The following AKR1C1 variants were observed in gnomAD, a reference collection of about 807,000 sequenced individuals.
The protein encoded by AKR1C1 is 20 alpha-hydroxysteroid dehydrogenase.
A neutral mutation model predicts 40.6 loss-of-function variants in AKR1C1; 32 were observed. That is an observed-to-expected ratio of 0.79 (90% CI 0.60 to 1.06). The LOEUF (loss-of-function observed/expected upper bound fraction) is 1.06, where lower values mean the gene tolerates loss of function less well. Ranked by LOEUF, AKR1C1 falls within the 50% of genes least tolerant of loss-of-function variation. The pLI is 0.00. For synonymous variants in AKR1C1, 105 were observed against 134.2 expected (o/e 0.78, Z 1.50); for missense variants, 320 against 363.5 (o/e 0.88, Z 0.97).
At position 4,966,917 on chromosome 10, in the gene AKR1C1, A is replaced by G; in HGVS notation, c.253-10A>G. 6.2e-7 allele frequency: 1 copy of G among 1,606,626 alleles called. No individual in the cohort carries two copies. The highest frequency in any genetic ancestry group is 8.5e-7 in the Non-Finnish European group (1 of 1,177,416). ...TTCATTACACAACTTCCTTTCTCTA[A>G]CCTCTGCAGCTTTGGTGCAATTCCC... On this transcript the variant is annotated splice_polypyrimidine_tract_variant and intron_variant, in intron 2 of 8. Transcript: ENST00000380872.
chr10:4,978,298 G>T lies in AKR1C1; in HGVS notation c.*556G>T, dbSNP rs1377139151. 3 of 149,958 alleles carry T rather than the reference G, an allele frequency of 2.0e-5. No homozygotes were observed. The highest frequency in any genetic ancestry group is 4.4e-5 in the Non-Finnish European group (3 of 67,842). The allele number at this position is 149,958 out of a possible 1,614,324, so 9.3% of individuals were successfully genotyped here. A position where few individuals can be genotyped will look rare whatever the true frequency, so the allele number is the denominator to read the frequency against. ...CTTGGGAGGAGGCATCCCTGTGAGG[G>T]GGGGTTAGGGAGATGGGAGGGCACC... On this transcript the variant is annotated 3_prime_UTR_variant, in exon 9 of 9. Transcript: ENST00000380872.
At position 4,966,980 on chromosome 10, in the gene AKR1C1, A is replaced by G; in HGVS notation, c.306A>G (p.Ser102=). 1.2e-6 allele frequency: 2 copies of G among 1,613,942 alleles called. No individual in the cohort carries two copies. The highest frequency in any genetic ancestry group is 1.7e-6 in the Non-Finnish European group (2 of 1,179,834). Residue 102 remains serine (S), a synonymous_variant, in exon 3 of 9, where the codon TCA becomes TCG. Coordinates refer to ENST00000380872, the MANE Select transcript of AKR1C1 (RefSeq NM_001353.6). ...TGGTCCGACCAGCCTTGGAAAGGTCACTGAAAAATCTTCAATTGGATTATG... is the reference window on the plus strand; with the variant it reads ...TGGTCCGACCAGCCTTGGAAAGGTCGCTGAAAAATCTTCAATTGGATTATG... ...PELVRPALER[S]LKNLQLDYVD...
chr10:4,963,713 T>G (rs1351983061), intron 1 of AKR1C1, 185 bp downstream of exon 1: 2 of 737,792 alleles, frequency 2.7e-6, no homozygotes, highest in Non-Finnish European at 4.9e-6. Context: ...TTTTGTCTTC[T>G]GTTTATGTTT....
intron 5 of AKR1C1, chr10:4,969,658 A>G: frequency 6.2e-7 from 1 of 1,609,234 alleles, no homozygotes; most frequent in Non-Finnish European, 8.5e-7. Context: ...TCTATTCTCT[A>G]TGTGTTCCTT....
intron 8 of AKR1C1, among the ~76,000 whole-genome samples, chr10:4,977,447 G>A (rs1836543751): frequency 6.6e-6 from 1 of 152,198 alleles, no homozygotes; most frequent in African/African-American, 2.4e-5. Flanking sequence ...AGAGAAATAT[G>A]TTTGAACATT....
rs767451760 is a variant in AKR1C1, at chr10:4,968,815, T to G, written c.448-7T>G. On this transcript the variant is annotated splice_region_variant and splice_polypyrimidine_tract_variant and intron_variant, in intron 4 of 8. Transcript: ENST00000380872. ...ATCTTCCACACCTCACAATTCCTTTTTCCCAGGCCGTGGAGAAGTGTAAAG... is the reference window on the plus strand; with the variant it reads ...ATCTTCCACACCTCACAATTCCTTTGTCCCAGGCCGTGGAGAAGTGTAAAG... The G allele has an allele frequency of 6.2e-7, 1 of 1,614,124 alleles. No individual in the cohort carries two copies. The highest frequency in any genetic ancestry group is 1.1e-5 in the South Asian group (1 of 91,082).
In AKR1C1 at chr10:4,963,527, A is replaced by G. The variant is rs779576403; in HGVS notation, c.83A>G (p.Glu28Gly). The change falls in exon 1 of 9, where the codon GAG becomes GGG. Residue 28 changes from glutamate (E) to glycine (G), a missense_variant and splice_region_variant. Physicochemically the swap from Glu to Gly is moderately conservative, Grantham distance 98. Transcript: ENST00000380872. ...VLGFGTYAPA[E>G]VPKSKALEAT... ...GGATTTGGCACCTATGCGCCTGCAG[A>G]GGTAACAATAATATTTTTAGTGTTG... 3 of 1,611,060 alleles carry G rather than the reference A, an allele frequency of 1.9e-6. No individual in the cohort carries two copies. In the South Asian group the frequency reaches 3.3e-5, roughly 18 times the overall value.
intron 7 of AKR1C1, among the ~76,000 whole-genome samples, chr10:4,973,975 G>C (rs1202712681): frequency 3.3e-5 from 5 of 151,096 alleles, no homozygotes; most frequent in African/African-American, 1.2e-4. Flanking sequence ...TCATGTATAT[G>C]TATATGTGTC....
chr10:4,967,223 G>A lies in AKR1C1; in HGVS notation c.369+180G>A, dbSNP rs1399118639. 1.4e-4 allele frequency: 140 copies of A among 992,584 alleles called. 1 individual carries two copies. The Middle Eastern group carries it at 1.7e-3, about 12-fold the overall frequency. The allele number at this position is 992,584 out of a possible 1,614,324, so 61.5% of individuals were successfully genotyped here. A position where few individuals can be genotyped will look rare whatever the true frequency, so the allele number is the denominator to read the frequency against. On this transcript the variant is annotated intron_variant, in intron 3 of 8. Transcript: ENST00000380872. ...ATACATTTTGAATCCATACTTCCGT[G>A]ATTGCATGTCTATAAGAAAAGAAAG...
chr10:4,968,157 C>T, intron 3 of AKR1C1, 152 bp from the exon 4 acceptor site: 2 of 1,123,230 alleles, frequency 1.8e-6, no homozygotes, highest in Non-Finnish European at 2.5e-6. Flanking sequence ...TTCCTTATAC[C>T]TTCATATGTA....
chr10:4,972,716 C>A lies in AKR1C1; in HGVS notation c.813C>A (p.Ser271Arg), dbSNP rs368796352. 1.2e-6 allele frequency: 2 copies of A among 1,612,376 alleles called. No homozygotes were observed. Among genetic ancestry groups the A allele is most frequent in the East Asian group, 4.5e-5 (2 of 44,894 alleles). The change falls in exon 7 of 9, where the codon AGC becomes AGA. Residue 271 changes from serine to arginine, a missense_variant. By Grantham distance (110) the Ser-to-Arg change is moderately radical. Coordinates refer to ENST00000380872, the MANE Select transcript of AKR1C1 (RefSeq NM_001353.6). ...GTGGGGTTGTGGTCCTGGCCAAGAG[C>A]TACAATGAGCAGCGCATCAGACAGA... is the stretch of plus-strand genomic sequence containing the variant. ...LQRGVVVLAKSYNEQRIRQNV... is the reference protein window; with the variant it reads ...LQRGVVVLAKRYNEQRIRQNV...
chr10:4,963,837 G>A lies in AKR1C1; in HGVS notation c.84+309G>A, dbSNP rs576991455. On this transcript the variant is annotated intron_variant, in intron 1 of 8. Transcript: ENST00000380872. Reference sequence around the variant, plus strand: ...GGTTTCTCTGTTTCTTTGTATAGTCGAACAGATATTTACTTCTTCCAAGAA... The same window carrying A: ...GGTTTCTCTGTTTCTTTGTATAGTCAAACAGATATTTACTTCTTCCAAGAA... The A allele has an allele frequency of 7.4e-5, 56 of 760,312 alleles. 1 individual carries two copies. The highest frequency in any genetic ancestry group is 2.9e-4 in the East Asian group (12 of 41,232). 47.1% of individuals were successfully genotyped at this position (760,312 alleles called of 1,614,324 possible). A position where few individuals can be genotyped will look rare whatever the true frequency, so the allele number is the denominator to read the frequency against.
At chr10:4,974,714 A>C (rs779917258) in intron 7 of AKR1C1, among the ~76,000 whole-genome samples, 14 of 152,242 alleles carry the variant, frequency 9.2e-5, no homozygotes, top group African/African-American at 9.6e-5. Context: ...TTTTACCTGT[A>C]ACATATATGA....
chr10:4,979,730 A>T lies in AKR1C1; in HGVS notation c.*1988A>T. The stretch of plus-strand genomic sequence containing the variant: ...TTTTTATAAAACTCTTATTGTTAAA[A>T]AAAAAGTTACTCAGAATTTCATAAA... On this transcript the variant is annotated 3_prime_UTR_variant, in exon 9 of 9. Coordinates refer to ENST00000380872, the MANE Select transcript of AKR1C1 (RefSeq NM_001353.6). The T allele has an allele frequency of 6.6e-6, 1 of 152,206 alleles. No individual in the cohort carries two copies. Among genetic ancestry groups the T allele is most frequent in the Non-Finnish European group, 1.5e-5 (1 of 68,042 alleles). 9.4% of individuals were successfully genotyped at this position (152,206 alleles called of 1,614,324 possible).
At chr10:4,965,784 C>A in intron 1 of AKR1C1, 130 bp from the exon 2 acceptor site, 1 of 1,085,522 alleles carries the variant, frequency 9.2e-7, no homozygotes, top group Non-Finnish European at 1.3e-6. Context: ...CTGGGATGGG[C>A]TCATGATTCT....
At position 4,978,046 on chromosome 10, in the gene AKR1C1, G is replaced by T. The variant is rs1554770691; in HGVS notation, c.*304G>T. The T allele has an allele frequency of 7.8e-6, 3 of 385,554 alleles. No individual in the cohort carries two copies. The highest frequency in any genetic ancestry group is 9.4e-6 in the Non-Finnish European group (2 of 213,814). 23.9% of individuals were successfully genotyped at this position (385,554 alleles called of 1,614,324 possible). ...AAATTGTGATTTGCCTATACGTTTAGGGCCGGGGTTGGAAGATGTTAACAA... is the reference window on the plus strand; with the variant it reads ...AAATTGTGATTTGCCTATACGTTTATGGCCGGGGTTGGAAGATGTTAACAA... On this transcript the variant is annotated 3_prime_UTR_variant, in exon 9 of 9. Coordinates refer to ENST00000380872, the MANE Select transcript of AKR1C1 (RefSeq NM_001353.6).
Position 4,982,442 on chromosome 10 carries a change from T to C in AKR1C1, c.*4700T>C, listed in dbSNP as rs1478126551. ...AGCGGCCCACTACTTCCCACTCCCT[T>C]TTTTGAACTCTTCTGTGCAGCAGAG... On this transcript the variant is annotated 3_prime_UTR_variant, in exon 9 of 9. Transcript: ENST00000380872. The C allele has an allele frequency of 1.3e-4, 18 of 143,744 alleles. No individual in the cohort carries two copies. Among genetic ancestry groups the C allele is most frequent in the African/African-American group, 4.7e-4 (18 of 38,378 alleles). The allele number at this position is 143,744 out of a possible 1,614,324, so 8.9% of individuals were successfully genotyped here. A position where few individuals can be genotyped will look rare whatever the true frequency, so the allele number is the denominator to read the frequency against.
At position 4,978,301 on chromosome 10, in the gene AKR1C1, G is replaced by T. The variant is rs1434101071; in HGVS notation, c.*559G>T. On this transcript the variant is annotated 3_prime_UTR_variant, in exon 9 of 9. Coordinates refer to ENST00000380872, the MANE Select transcript of AKR1C1 (RefSeq NM_001353.6). ...GGGAGGAGGCATCCCTGTGAGGGGGGGTTAGGGAGATGGGAGGGCACCAGG... is the reference window on the plus strand; with the variant it reads ...GGGAGGAGGCATCCCTGTGAGGGGGTGTTAGGGAGATGGGAGGGCACCAGG... 6.7e-6 allele frequency: 1 copy of T among 149,980 alleles called. No homozygotes were observed. Among genetic ancestry groups the T allele is most frequent in the African/African-American group, 2.5e-5 (1 of 40,186 alleles). 9.3% of individuals were successfully genotyped at this position (149,980 alleles called of 1,614,324 possible). A position where few individuals can be genotyped will look rare whatever the true frequency, so the allele number is the denominator to read the frequency against.
chr10:4,981,398 A>G lies in AKR1C1; in HGVS notation c.*3656A>G, dbSNP rs1836612790. 1 of 152,206 alleles carries G rather than the reference A, an allele frequency of 6.6e-6. No individual in the cohort carries two copies. Among genetic ancestry groups the G allele is most frequent in the African/African-American group, 2.4e-5 (1 of 41,448 alleles). 9.4% of individuals were successfully genotyped at this position (152,206 alleles called of 1,614,324 possible). On this transcript the variant is annotated 3_prime_UTR_variant, in exon 9 of 9. Transcript: ENST00000380872. ...TATCACAAAATGACAAAACAAGTAC[A>G]GGGGCAGCAAAAGGTAACAGATGTC...
Sources: gnomAD v4.1 joint callset for allele counts (sites outside exome capture counted in the v4.1 genomes callset) on GRCh38, gnomAD v4.1.1 for gene constraint, MANE v1.5 for transcripts, NCBI Gene and HGNC (gene_info 2026-07-23, HGNC 2026-07-21) for gene names.